DSCAML1: variants seen among roughly 807,000 people sequenced by gnomAD.
The protein encoded by DSCAML1 is DS cell adhesion molecule like 1.
In DSCAML1, 38 loss-of-function variants were observed where a neutral mutation model predicts 200.5. The observed-to-expected ratio is 0.19, with a 90% CI of 0.15 to 0.25. The LOEUF is 0.25. Among genes scored for constraint, DSCAML1 ranks in the 10% least tolerant of loss-of-function variants. The pLI, the probability that DSCAML1 is intolerant of heterozygous loss-of-function variation, is 1.00. For synonymous variants in DSCAML1, 1,215 were observed against 1,165.0 expected, an observed-to-expected ratio of 1.04 and a Z score of -0.87; for missense variants, 2,223 against 2,858.8, an observed-to-expected ratio of 0.78 and a Z score of 5.07.
In DSCAML1 at chr11:117,477,390, G is replaced by GTGTA. The variant is rs778693160; in HGVS notation, c.2785+3052_2785+3053insTACA. ...TGTGTGTGTGTGTGTGTGTGTGTGTGTATGTGTGTGTGTATGTGTATATTC... is the reference window on the plus strand; with the variant it reads ...TGTGTGTGTGTGTGTGTGTGTGTGTGTGTATATGTGTGTGTGTATGTGTATATTC... On this transcript the variant is annotated intron_variant, in intron 14 of 32. Transcript: ENST00000651296. Among the ~76,000 whole-genome samples the GTGTA allele has an allele frequency of 3.7e-3, 485 of 131,782 alleles. 7 individuals are homozygous for GTGTA. Among genetic ancestry groups the GTGTA allele is most frequent in the South Asian group, 0.011 (43 of 4,062 alleles). 86.5% of individuals were successfully genotyped at this position (131,782 alleles called of 152,430 possible). A position where few individuals can be genotyped will look rare whatever the true frequency, so the allele number is the denominator to read the frequency against.
Position 117,489,925 on chromosome 11 carries a change from T to C in DSCAML1, c.2360-7763A>G, listed in dbSNP as rs896283578. ...TTGTGGAAAGGAGAGCTTTACTGGG[T>C]ATCTTTGCCGTCCTCCTCCAGTGCC... On this transcript the variant is annotated intron_variant, in intron 11 of 32. Coordinates refer to ENST00000651296, the MANE Select transcript of DSCAML1 (RefSeq NM_020693.4). This position sits in a 1 kb window ranked among gnomAD's most constrained non-coding sequence, Gnocchi z 4.8. Among the ~76,000 whole-genome samples, 1 of 152,186 alleles carries C rather than the reference T, an allele frequency of 6.6e-6. No homozygotes were observed. Among genetic ancestry groups the C allele is most frequent in the African/African-American group, 2.4e-5 (1 of 41,446 alleles).
chr11:117,473,566 A>C lies in DSCAML1; in HGVS notation c.2786-1530T>G, dbSNP rs530260341. ...CCTGATAAATCAGGAGAATTGGTTCACCAGAAGACAATGTCCCAGGCCTCC... is the reference window on the plus strand; with the variant it reads ...CCTGATAAATCAGGAGAATTGGTTCCCCAGAAGACAATGTCCCAGGCCTCC... On this transcript the variant is annotated intron_variant, in intron 14 of 32. Coordinates refer to ENST00000651296, the MANE Select transcript of DSCAML1 (RefSeq NM_020693.4). Among the ~76,000 whole-genome samples, 17 of 152,326 alleles carry C rather than the reference A, an allele frequency of 1.1e-4. No homozygotes were observed. In the South Asian group the frequency reaches 3.3e-3, roughly 30 times the overall value.
At chr11:117,640,104 G>A (rs1332609280) in intron 3 of DSCAML1, among the ~76,000 whole-genome samples, 6 of 152,198 alleles carry the variant, frequency 3.9e-5, no homozygotes, top group African/African-American at 1.4e-4. Flanking sequence ...TGCAGTGACA[G>A]TTCCCAAATA....
At chr11:117,759,918 G>A (rs2054769634) in intron 3 of DSCAML1, among the ~76,000 whole-genome samples, 1 of 152,024 alleles carries the variant, frequency 6.6e-6, no homozygotes, top group Non-Finnish European at 1.5e-5. Flanking sequence ...CAACAGTTGA[G>A]AGCACCAAGC....
In DSCAML1 at chr11:117,433,173, A is replaced by G. The variant is rs1341107318; in HGVS notation, c.4991T>C (p.Leu1664Pro). The G allele has an allele frequency of 1.7e-5, 28 of 1,614,140 alleles. No individual in the cohort carries two copies. Among genetic ancestry groups the G allele is most frequent in the Non-Finnish European group, 2.4e-5 (28 of 1,180,004 alleles). Residue 1664 changes from leucine (L) to proline (P), a missense_variant, in exon 29 of 33, where the codon CTG becomes CCG. By Grantham distance (98) the Leu-to-Pro change is moderately conservative. Transcript: ENST00000651296. ...RLHIDIPRVQ[L>P]LIEDKEGIKQ... ...GATGCCTTCTTTGTCCTCGATGAGC[A>G]GCTGGACCCTGGGGATGTCAATGTG... is the stretch of plus-strand genomic sequence containing the variant.
chr11:117,513,701 A>C (rs1254068682), intron 8 of DSCAML1, among the ~76,000 whole-genome samples: 5 of 146,590 alleles, frequency 3.4e-5, no homozygotes, highest in African/African-American at 1.3e-4. Flanking sequence ...AGATCACGCC[A>C]CTGCACTGCA....
chr11:117,486,320 G>A (rs1389605389), intron 11 of DSCAML1, among the ~76,000 whole-genome samples: 72 of 140,320 alleles, frequency 5.1e-4, no homozygotes, highest in African/African-American at 1.3e-3. Context: ...GGATGTGAAA[G>A]TAGCGGATGT....
chr11:117,542,757 G>A (rs1053329916), intron 3 of DSCAML1, among the ~76,000 whole-genome samples: 3 of 152,214 alleles, frequency 2.0e-5, no homozygotes, highest in Non-Finnish European at 2.9e-5. Context: ...ACACACCTAG[G>A]AAGACCATCC....
At chr11:117,572,123 T>G (rs925791687) in intron 3 of DSCAML1, among the ~76,000 whole-genome samples, 3 of 152,268 alleles carry the variant, frequency 2.0e-5, no homozygotes, top group Non-Finnish European at 4.4e-5. Context: ...CTTTTATTTC[T>G]TTACTTTCCT....
intron 3 of DSCAML1, among the ~76,000 whole-genome samples, chr11:117,573,685 G>T (rs2050884968): frequency 6.6e-6 from 1 of 152,218 alleles, no homozygotes; most frequent in South Asian, 2.1e-4. Context: ...AAGCAAATAT[G>T]CTTCAGCCCC....
chr11:117,510,024 G>C (rs1425539967), intron 8 of DSCAML1, among the ~76,000 whole-genome samples: 1 of 152,256 alleles, frequency 6.6e-6, no homozygotes, highest in Non-Finnish European at 1.5e-5. Flanking sequence ...ATGGTGAAGA[G>C]GCAGAGGCCT....
At chr11:117,436,713 G>T (rs1416141434) in intron 26 of DSCAML1, among the ~76,000 whole-genome samples, 1 of 152,066 alleles carries the variant, frequency 6.6e-6, no homozygotes, top group African/African-American at 2.4e-5. Context: ...ACCAGGTTTT[G>T]GTATTTGCGA....
chr11:117,482,001 T>C lies in DSCAML1; in HGVS notation c.2521A>G (p.Thr841Ala). The change falls in exon 12 of 33, where the codon ACC (threonine) becomes GCC (alanine). Residue 841 changes from threonine (T) to alanine (A), a missense_variant. Physicochemically the swap from Thr to Ala is moderately conservative, Grantham distance 58. Transcript: ENST00000651296. ...ACGACCTCGTCGCCGTTGTCCTTGG[T>C]GGCGATGGCATACCGCATGACGCGG... ...PDRVMRYAIA[T>A]KDNGDEVVST... The C allele has an allele frequency of 6.2e-7, 1 of 1,614,146 alleles. No individual in the cohort carries two copies. The highest frequency in any genetic ancestry group is 8.5e-7 in the Non-Finnish European group (1 of 1,180,000).
rs992561108 is a variant in DSCAML1, at chr11:117,480,388, G to A, written c.2785+55C>T. On this transcript the variant is annotated intron_variant, in intron 14 of 32. Transcript: ENST00000651296. The surrounding 1 kb of genome is among the most constrained non-coding windows in gnomAD (Gnocchi z 4.1). ...CTCCCAGAGGGCACAGGCAGGACACGTGGCACAAGGGGCCATGGCAGGCCA... is the reference window on the plus strand; with the variant it reads ...CTCCCAGAGGGCACAGGCAGGACACATGGCACAAGGGGCCATGGCAGGCCA... 11 of 1,605,440 alleles carry A rather than the reference G, an allele frequency of 6.9e-6. No homozygotes were observed. Among genetic ancestry groups the A allele is most frequent in the Admixed American group, 6.8e-5 (4 of 59,234 alleles).
intron 3 of DSCAML1, among the ~76,000 whole-genome samples, chr11:117,666,961 TGTCAGGTGGGCA>T (rs1439329480): frequency 6.6e-6 from 1 of 152,140 alleles, no homozygotes; most frequent in Non-Finnish European, 1.5e-5. Context: ...GGGGTAGGGC[TGTCAGGTGGGCA>T]GTCAGCAGGT....
At chr11:117,669,119 G>A (rs1358074038) in intron 3 of DSCAML1, among the ~76,000 whole-genome samples, 2 of 152,202 alleles carry the variant, frequency 1.3e-5, no homozygotes, top group East Asian at 3.8e-4. Flanking sequence ...GCCTCTTGCT[G>A]CAGGTGTACC....
intron 3 of DSCAML1, among the ~76,000 whole-genome samples, chr11:117,662,026 A>C (rs1333252956): frequency 6.6e-6 from 1 of 152,184 alleles, no homozygotes; most frequent in Non-Finnish European, 1.5e-5. Context: ...CCTGGATGCA[A>C]CTTGTTTCTT....
At chr11:117,816,799 G>GGGGGT (rs971680191) in intron 1 of DSCAML1, among the ~76,000 whole-genome samples, 6 of 89,834 alleles carry the variant, frequency 6.7e-5, no homozygotes, top group East Asian at 3.6e-4. Flanking sequence ...CGGAATTGCT[G>GGGGGT]GGGGGGTGGG....
chr11:117,643,167 G>C (rs2052446253), intron 3 of DSCAML1, among the ~76,000 whole-genome samples: 1 of 152,142 alleles, frequency 6.6e-6, no homozygotes, highest in African/African-American at 2.4e-5. Context: ...AGAAAGAAGT[G>C]CAACTTCACA....
Sources: allele counts gnomAD v4.1 joint callset (sites outside exome capture counted in the v4.1 genomes callset), GRCh38; gene constraint gnomAD v4.1.1; non-coding constraint Gnocchi (gnomAD v3.1); transcripts MANE v1.5; gene names NCBI Gene and HGNC (gene_info 2026-07-23, HGNC 2026-07-21).